The following HPSE2 variants were observed in gnomAD, a reference collection of about 807,000 sequenced individuals.
HPSE2 encodes the protein heparanase 2 (inactive), also known as inactive heparanase-2.
HPSE2 carries 38 observed loss-of-function variants against 60.5 expected under a neutral mutation model. The ratio of observed to expected loss-of-function variants is 0.63; its 90% CI spans 0.48 to 0.82. HPSE2 has a LOEUF of 0.82. Ranked by LOEUF, HPSE2 falls within the 40% of genes least tolerant of loss-of-function variation. HPSE2 has a pLI of 0.00. For synonymous variants in HPSE2, 295 were observed against 293.2 expected (o/e 1.01, Z -0.06); for missense variants, 713 against 740.4 (o/e 0.96, Z 0.43).
At chr10:98,854,180 C>T (rs540733854) in intron 3 of HPSE2, among the ~76,000 whole-genome samples, 65 of 152,166 alleles carry the variant, frequency 4.3e-4, no homozygotes, top group African/African-American at 1.5e-3. Context: ...GGCTACTTTA[C>T]TTATATTGCA....
At chr10:98,465,148 T>C (rs1023636915) in intron 11 of HPSE2, among the ~76,000 whole-genome samples, 1 of 152,236 alleles carries the variant, frequency 6.6e-6, no homozygotes, top group Admixed American at 6.5e-5. Flanking sequence ...CCAGCAGTCA[T>C]ATCATGCTAA....
chr10:98,703,303 C>T (rs752371186), intron 5 of HPSE2, among the ~76,000 whole-genome samples: 2 of 151,994 alleles, frequency 1.3e-5, no homozygotes, highest in Non-Finnish European at 2.9e-5. Flanking sequence ...AGCCTACCAA[C>T]CAAAAAAGGT....
At chr10:98,512,812 AACAC>A (rs71007394) in intron 9 of HPSE2, among the ~76,000 whole-genome samples, 3,120 of 124,610 alleles carry the variant, frequency 0.025, 136 homozygotes, top group African/African-American at 0.083. Context: ...CCCACCCCCC[AACAC>A]ACACACACAC....
chr10:98,876,733 T>A (rs1952887414), intron 3 of HPSE2, among the ~76,000 whole-genome samples: 1 of 151,862 alleles, frequency 6.6e-6, no homozygotes, highest in Admixed American at 6.6e-5. Flanking sequence ...CAACAGAATA[T>A]CTTCATGGCT....
intron 3 of HPSE2, among the ~76,000 whole-genome samples, chr10:98,896,541 C>G (rs1444801): frequency 0.8 from 121,256 of 152,068 alleles, 48,655 homozygotes; most frequent in South Asian, 0.84. Flanking sequence ...TATTAGAAAA[C>G]AGAAAAACAC....
chr10:98,486,291 G>A (rs1941438652), intron 10 of HPSE2, among the ~76,000 whole-genome samples: 1 of 152,166 alleles, frequency 6.6e-6, no homozygotes, highest in South Asian at 2.1e-4. Context: ...AGAAAATGGT[G>A]TCTGAAGGCT....
chr10:99,090,395 C>T (rs532804376), intron 3 of HPSE2, among the ~76,000 whole-genome samples: 46 of 152,088 alleles, frequency 3.0e-4, no homozygotes, highest in South Asian at 6.2e-4. Context: ...ATGTTCTGAA[C>T]GAAGGAAGGA....
At chr10:98,654,387 T>C (rs772331515) in intron 6 of HPSE2, among the ~76,000 whole-genome samples, 3 of 152,224 alleles carry the variant, frequency 2.0e-5, no homozygotes, top group Non-Finnish European at 4.4e-5. Flanking sequence ...TTTGAAATTG[T>C]CGCACATTTC....
chr10:99,012,491 T>A (rs139056145), intron 3 of HPSE2, among the ~76,000 whole-genome samples: 9 of 152,120 alleles, frequency 5.9e-5, no homozygotes. Context: ...ATACAGAGAA[T>A]ATAGGGAGAA....
intron 3 of HPSE2, among the ~76,000 whole-genome samples, chr10:99,093,750 C>T (rs191735584): frequency 3.3e-5 from 5 of 152,246 alleles, no homozygotes; most frequent in East Asian, 3.9e-4. Context: ...ATTGTTGCAT[C>T]GGGATTAAGT....
At chr10:98,814,001 A>T (rs975474763) in intron 3 of HPSE2, among the ~76,000 whole-genome samples, 1 of 152,150 alleles carries the variant, frequency 6.6e-6, no homozygotes, top group Non-Finnish European at 1.5e-5. Flanking sequence ...TTCTCACTTT[A>T]AAAAAGGGGA....
intron 6 of HPSE2, among the ~76,000 whole-genome samples, chr10:98,690,752 T>C (rs2134162729): frequency 6.6e-6 from 1 of 152,066 alleles, no homozygotes; most frequent in African/African-American, 2.4e-5. Flanking sequence ...TACTCCACTA[T>C]ACTTGTAATT....
intron 11 of HPSE2, among the ~76,000 whole-genome samples, chr10:98,474,115 T>C (rs964081197): frequency 6.6e-6 from 1 of 152,178 alleles, no homozygotes. Context: ...ATATCAGCAG[T>C]GTAGAACTAA....
At chr10:99,267,801 CA>C in the HPSE2 span, among the ~76,000 whole-genome samples, 317 of 145,622 alleles carry the variant, frequency 2.2e-3, 1 homozygote, top group African/African-American at 7.4e-3. Flanking sequence ...AAAAAACAAA[CA>C]AAAAAAAACA....
At chr10:98,704,536 C>T (rs1342937645) in intron 5 of HPSE2, among the ~76,000 whole-genome samples, 1 of 152,098 alleles carries the variant, frequency 6.6e-6, no homozygotes, top group Non-Finnish European at 1.5e-5. Flanking sequence ...GTATTTAAAA[C>T]AGCATGGTAC....
chr10:98,546,340 C>A (rs776852755), intron 9 of HPSE2, among the ~76,000 whole-genome samples: 1 of 132,746 alleles, frequency 7.5e-6, no homozygotes, highest in African/African-American at 2.5e-5. Context: ...GAGCCTGCAT[C>A]GCCAAGTCAA....
At chr10:99,074,363 A>G (rs981322498) in intron 3 of HPSE2, among the ~76,000 whole-genome samples, 3 of 152,106 alleles carry the variant, frequency 2.0e-5, no homozygotes, top group Non-Finnish European at 4.4e-5. Context: ...GCATTAACTG[A>G]CTTTTGTAAG....
At chr10:98,973,513 T>G (rs1270915129) in intron 3 of HPSE2, among the ~76,000 whole-genome samples, 1 of 152,180 alleles carries the variant, frequency 6.6e-6, no homozygotes, top group Non-Finnish European at 1.5e-5. Context: ...CAAACACCTT[T>G]GTCTCCAAAG....
At chr10:99,310,720 G>C in the HPSE2 span, among the ~76,000 whole-genome samples, 87 of 151,974 alleles carry the variant, frequency 5.7e-4, 1 homozygote, top group African/African-American at 1.7e-3. Context: ...TCTGCCTCTG[G>C]GGTTCAAGCA....
Sources: allele counts gnomAD v4.1 joint callset (sites outside exome capture counted in the v4.1 genomes callset), GRCh38; gene constraint gnomAD v4.1.1; transcripts MANE v1.5; gene names NCBI Gene and HGNC (gene_info 2026-07-23, HGNC 2026-07-21).